The following FAM83E variants were observed in gnomAD, a reference collection of about 807,000 sequenced individuals.
FAM83E encodes protein FAM83E.
A neutral mutation model predicts 34.3 loss-of-function variants in FAM83E; 29 were observed. The observed-to-expected ratio is 0.85, with a 90% confidence interval of 0.63 to 1.15. The LOEUF (loss-of-function observed/expected upper bound fraction) is 1.15, where lower values mean the gene tolerates loss of function less well. Among genes scored for constraint, FAM83E ranks in the 50% most tolerant of loss-of-function variants. The pLI is 0.00. For missense variants in FAM83E, 697 were observed against 685.0 expected, an observed-to-expected ratio of 1.02 and a Z score of -0.20; for synonymous variants, 312 against 311.6, an observed-to-expected ratio of 1.00 and a Z score of -0.01.
Position 48,601,138 on chromosome 19 carries a change from G to T in FAM83E, c.1408C>A (p.Pro470Thr). ...GGTTGCCCCCCAAGTCCTGCCCGGG[G>T]GGCCCAGTCTGACGGCCTGACGCCT... Reference protein sequence around the residue: ...PRGVRPSDWAPRAGLGGQP With the variant: ...PRGVRPSDWATRAGLGGQP The change falls in exon 7 of 7, where the codon CCC (proline) becomes ACC (threonine). Residue 470 changes from proline (P) to threonine (T), a missense_variant. Pro to Thr is a conservative substitution (Grantham distance 38). Transcript: ENST00000263266. 1 of 1,612,834 alleles carries T rather than the reference G, an allele frequency of 6.2e-7. No individual in the cohort carries two copies.
Position 48,600,650 on chromosome 19 carries a change from CTTTTTTTTT to C in FAM83E, c.*450_*458del, listed in dbSNP as rs780157808. ...CGATCAGCCTTTCTTTTTCTTTTTT[CTTTTTTTTT>C]TTTTTTTAAAGAGATGGCCTCTCAC... On this transcript the variant is annotated 3_prime_UTR_variant, in exon 7 of 7. Transcript: ENST00000263266. Among the ~76,000 whole-genome samples, 2 of 136,696 alleles carry C rather than the reference CTTTTTTTTT, an allele frequency of 1.5e-5. No homozygotes were observed. The highest frequency in any genetic ancestry group is 3.2e-5 in the Non-Finnish European group (2 of 62,822). The allele number at this position is 136,696 out of a possible 152,430, so 89.7% of individuals were successfully genotyped here. A position where few individuals can be genotyped will look rare whatever the true frequency, so the allele number is the denominator to read the frequency against.
chr19:48,601,070 C>A lies in FAM83E; in HGVS notation c.*39G>T. 1.9e-6 allele frequency: 3 copies of A among 1,583,922 alleles called. No individual in the cohort carries two copies. The highest frequency in any genetic ancestry group is 2.6e-6 in the Non-Finnish European group (3 of 1,166,358). On this transcript the variant is annotated 3_prime_UTR_variant, in exon 7 of 7. Transcript: ENST00000263266. Reference sequence around the variant, plus strand: ...CTGAGCCGACAGTTGTCCGGCACTGCTCCTTGGGTGGGCCAGCAGATTTGG... The same window carrying A: ...CTGAGCCGACAGTTGTCCGGCACTGATCCTTGGGTGGGCCAGCAGATTTGG...
At chr19:48,611,126 T>A (rs7249417) in intron 3 of FAM83E, among the ~76,000 whole-genome samples, 1 of 144,142 alleles carries the variant, frequency 6.9e-6, no homozygotes, top group African/African-American at 2.5e-5. Flanking sequence ...TCATAAATCA[T>A]GTTTGCTTGT....
intron 4 of FAM83E, among the ~76,000 whole-genome samples, chr19:48,610,398 CAAAAAAAAAAAAAAA>C (rs71179016): frequency 1.3e-4 from 4 of 31,334 alleles, no homozygotes; most frequent in African/African-American, 5.0e-4. Flanking sequence ...CACTCCGTCT[CAAAAAAAAAAAAAAA>C]AAAAAAAAAA....
In FAM83E at chr19:48,600,819, T is replaced by G. The variant is rs1477206358; in HGVS notation, c.*290A>C. The G allele has an allele frequency of 9.0e-6, 3 of 333,054 alleles. No homozygotes were observed. The highest frequency in any genetic ancestry group is 1.5e-5 in the Non-Finnish European group (3 of 195,912). 20.6% of individuals were successfully genotyped at this position (333,054 alleles called of 1,614,324 possible). ...GGCGTGCGCCACCACACCCAACTAATTTGTTTTTTTAATTGTAGAGATGGG... is the reference window on the plus strand; with the variant it reads ...GGCGTGCGCCACCACACCCAACTAAGTTGTTTTTTTAATTGTAGAGATGGG... On this transcript the variant is annotated 3_prime_UTR_variant, in exon 7 of 7. Transcript: ENST00000263266.
chr19:48,608,625 T>C (rs1973980001), intron 5 of FAM83E, among the ~76,000 whole-genome samples: 1 of 140,374 alleles, frequency 7.1e-6, no homozygotes, highest in Non-Finnish European at 1.5e-5. Context: ...TTTGTATTTT[T>C]AGTAGAGACA....
Position 48,614,283 on chromosome 19 carries a change from G to GT in FAM83E, c.-912dup. 1.0e-6 allele frequency: 1 copy of GT among 985,592 alleles called. No homozygotes were observed. Among genetic ancestry groups the GT allele is most frequent in the African/African-American group, 1.7e-5 (1 of 57,334 alleles). The allele number at this position is 985,592 out of a possible 1,614,324, so 61.1% of individuals were successfully genotyped here. The stretch of plus-strand genomic sequence containing the variant: ...TATGATCTTCACAGCCCATCTAGGT[G>GT]TGAGTGCCACCTAACCAGCCACCCT... On this transcript the variant is annotated 5_prime_UTR_variant, in exon 3 of 7. Coordinates refer to ENST00000263266, the MANE Select transcript of FAM83E (RefSeq NM_017708.4).
chr19:48,604,113 CTT>C (rs754747069), intron 5 of FAM83E, among the ~76,000 whole-genome samples: 1 of 152,012 alleles, frequency 6.6e-6, no homozygotes, highest in Non-Finnish European at 1.5e-5. Context: ...AGTTAAGACA[CTT>C]ATATAATCAG....
chr19:48,606,903 T>A, intron 5 of FAM83E: 1 of 1,529,072 alleles, frequency 6.5e-7, no homozygotes, highest in Non-Finnish European at 8.7e-7. Flanking sequence ...TCCTCAGAGG[T>A]CCTTCATTCA....
Position 48,604,322 on chromosome 19 carries a change from A to ATTTTTT in FAM83E, c.759-417_759-412dup, listed in dbSNP as rs913336534. Among the ~76,000 whole-genome samples the ATTTTTT allele has an allele frequency of 5.1e-4, 50 of 97,916 alleles. 1 individual carries two copies. The highest frequency in any genetic ancestry group is 1.9e-3 in the African/African-American group (43 of 22,346). 64.2% of individuals were successfully genotyped at this position (97,916 alleles called of 152,430 possible). On this transcript the variant is annotated intron_variant, in intron 5 of 6. Transcript: ENST00000263266. ...GGCGGGAGGATCCCTTGACCCTGGGATTTTTTTTTTTTTTTTTTTTTTTGT... is the reference window on the plus strand; with the variant it reads ...GGCGGGAGGATCCCTTGACCCTGGGATTTTTTTTTTTTTTTTTTTTTTTTTTTTTGT...
intron 5 of FAM83E, among the ~76,000 whole-genome samples, 159 bp from the exon 6 acceptor site, chr19:48,604,070 C>T (rs1169001553): frequency 6.6e-5 from 10 of 152,080 alleles, no homozygotes; most frequent in Non-Finnish European, 2.9e-5. Context: ...AACTGAAGTA[C>T]CTACTCGGGA....
intron 5 of FAM83E, chr19:48,607,516 A>G: frequency 1.0e-6 from 1 of 959,278 alleles, no homozygotes; most frequent in Non-Finnish European, 1.5e-6. Context: ...TGCTAGGGGA[A>G]GCATCCCCAG....
rs1402991647 is a variant in FAM83E at position 48,600,658 on chromosome 19, T to C, written c.*451A>G. Among the ~76,000 whole-genome samples the C allele has an allele frequency of 6.0e-5, 9 of 151,036 alleles. No individual in the cohort carries two copies. Among genetic ancestry groups the C allele is most frequent in the African/African-American group, 1.9e-4 (8 of 41,032 alleles). On this transcript the variant is annotated 3_prime_UTR_variant, in exon 7 of 7. Coordinates refer to ENST00000263266, the MANE Select transcript of FAM83E (RefSeq NM_017708.4). The stretch of plus-strand genomic sequence containing the variant: ...CTTTCTTTTTCTTTTTTCTTTTTTT[T>C]TTTTTTTTAAAGAGATGGCCTCTCA...
In FAM83E at chr19:48,606,770, C is replaced by G; in HGVS notation, c.759-2859G>C. ...CCATTCACAGACTCTTGTTGGGCAGCAGCCACCCGCTCACCTCCATCCCCA... is the reference window on the plus strand; with the variant it reads ...CCATTCACAGACTCTTGTTGGGCAGGAGCCACCCGCTCACCTCCATCCCCA... On this transcript the variant is annotated intron_variant, in intron 5 of 6. Transcript: ENST00000263266. 9 of 608,098 alleles carry G rather than the reference C, an allele frequency of 1.5e-5. No homozygotes were observed. The South Asian group carries it at 1.9e-4, about 13-fold the overall frequency. 37.7% of individuals were successfully genotyped at this position (608,098 alleles called of 1,614,324 possible).
At chr19:48,611,403 C>T (rs570109175) in intron 3 of FAM83E, among the ~76,000 whole-genome samples, 20 of 151,688 alleles carry the variant, frequency 1.3e-4, no homozygotes, top group Admixed American at 7.2e-4. Context: ...CTCCTGACCT[C>T]GTGATCCACC....
At position 48,608,437 on chromosome 19, in the gene FAM83E, CTT is replaced by C. The variant is rs556049341; in HGVS notation, c.758+1437_758+1438del. On this transcript the variant is annotated intron_variant, in intron 5 of 6. Transcript: ENST00000263266. The stretch of plus-strand genomic sequence containing the variant: ...CTTTTTCCGTTTTCTTTTTCTTTTC[CTT>C]TTTTTTTTTTTTTTTTATTTTTTGA... Among the ~76,000 whole-genome samples the C allele has an allele frequency of 8.2e-3, 1,060 of 130,030 alleles. 12 individuals carry two copies. Among genetic ancestry groups the C allele is most frequent in the African/African-American group, 0.028 (956 of 33,776 alleles). The allele number at this position is 130,030 out of a possible 152,430, so 85.3% of individuals were successfully genotyped here.
At chr19:48,611,797 C>T (rs888780460) in intron 3 of FAM83E, among the ~76,000 whole-genome samples, 2 of 152,170 alleles carry the variant, frequency 1.3e-5, no homozygotes, top group African/African-American at 2.4e-5. Context: ...CACAGAACAG[C>T]GTCCCCTGAG....
At chr19:48,612,182 A>G (rs1974053147) in intron 3 of FAM83E, among the ~76,000 whole-genome samples, 1 of 152,102 alleles carries the variant, frequency 6.6e-6, no homozygotes, top group African/African-American at 2.4e-5. Flanking sequence ...GAAACCCTTC[A>G]CGTGGGAGCT....
At position 48,614,510 on chromosome 19, in the gene FAM83E, C is replaced by T. The variant is rs936900047; in HGVS notation, c.-1138G>A. 3.7e-5 allele frequency: 36 copies of T among 985,654 alleles called. No homozygotes were observed. The highest frequency in any genetic ancestry group is 4.3e-5 in the Non-Finnish European group (36 of 830,108). The allele number at this position is 985,654 out of a possible 1,614,324, so 61.1% of individuals were successfully genotyped here. ...TCTCCCTCCCAAGCCTCAGTTATCC[C>T]CTTGAGGCTCCTGACCCAACCTCGG... On this transcript the variant is annotated 5_prime_UTR_variant, in exon 3 of 7. Transcript: ENST00000263266.
Sources: gnomAD v4.1 joint callset for allele counts (sites outside exome capture counted in the v4.1 genomes callset) on GRCh38, gnomAD v4.1.1 for gene constraint, MANE v1.5 for transcripts, NCBI Gene and HGNC (gene_info 2026-07-23, HGNC 2026-07-21) for gene names.